HOOK3: variants seen among roughly 807,000 people sequenced by gnomAD.
HOOK3 encodes hook microtubule tethering protein 3.
Under a neutral mutation model 116.3 loss-of-function variants are expected in HOOK3, and 24 were observed. The observed-to-expected ratio is 0.21, with a 90% CI of 0.15 to 0.29. The LOEUF (loss-of-function observed/expected upper bound fraction) is 0.29, where lower values mean the gene tolerates loss of function less well. HOOK3 is among the 10% of genes least tolerant of loss of function. The pLI, the probability that HOOK3 is intolerant of heterozygous loss-of-function variation, is 1.00. For missense variants in HOOK3, 632 were observed against 830.2 expected (o/e 0.76, Z 2.93); for synonymous variants, 275 against 283.0 (o/e 0.97, Z 0.28).
At position 42,943,394 on chromosome 8, in the gene HOOK3, A is replaced by G; in HGVS notation, c.349A>G (p.Arg117Gly). The G allele has an allele frequency of 6.4e-7, 1 of 1,572,780 alleles. No homozygotes were observed. The highest frequency in any genetic ancestry group is 1.2e-5 in the South Asian group (1 of 81,052). Residue 117 changes from arginine to glycine, a missense_variant, in exon 5 of 22, where the codon AGG (arginine) becomes GGG (glycine). This residue lies in a region of HOOK3 where 141 missense variants were observed against 150.8 expected (regional missense o/e 0.93). Transcript: ENST00000307602. ...GEHSDAAELGRMLQLILGCAV... is the reference protein window; with the variant it reads ...GEHSDAAELGGMLQLILGCAV... ...GCATTCTGATGCAGCAGAGCTTGGA[A>G]GGATGCTTCAGCTCATCTTAGGCTG...
At chr8:43,010,022 T>G (rs1320773443) in intron 18 of HOOK3, among the ~76,000 whole-genome samples, 1 of 151,832 alleles carries the variant, frequency 6.6e-6, no homozygotes, top group Non-Finnish European at 1.5e-5. Flanking sequence ...TACATTTTGT[T>G]TATCCATTCA....
At chr8:42,897,224 T>A in intron 1 of HOOK3, 36 bp downstream of exon 1, 1 of 1,208,050 alleles carries the variant, frequency 8.3e-7, no homozygotes, top group Non-Finnish European at 1.0e-6. Context: ...GAAGACCCCC[T>A]CCCCCCGCCA....
intron 21 of HOOK3, among the ~76,000 whole-genome samples, chr8:43,015,893 T>A (rs1163070528): frequency 6.7e-6 from 1 of 148,854 alleles, no homozygotes; most frequent in Non-Finnish European, 1.5e-5. Context: ...AATTTTTGTA[T>A]TTTTAGTAGA....
chr8:42,924,724 G>T (rs1204394401), intron 2 of HOOK3, among the ~76,000 whole-genome samples: 2 of 152,138 alleles, frequency 1.3e-5, no homozygotes, highest in Non-Finnish European at 2.9e-5. Flanking sequence ...TGTAATCCCA[G>T]CACTTTGGGA....
chr8:42,923,712 G>A (rs2130354181), intron 2 of HOOK3, among the ~76,000 whole-genome samples: 2 of 152,312 alleles, frequency 1.3e-5, no homozygotes, highest in Middle Eastern at 3.4e-3. Context: ...TTTTTGGAAA[G>A]ATGGAAGTGC....
intron 18 of HOOK3, 35 bp from the exon 19 acceptor site, chr8:43,010,270 C>A: frequency 2.1e-6 from 1 of 480,568 alleles, no homozygotes; most frequent in South Asian, 6.2e-5. Flanking sequence ...TATATATTAT[C>A]TAAATATATA....
At position 43,022,241 on chromosome 8, in the gene HOOK3, A is replaced by G; in HGVS notation, c.*3743A>G. On this transcript the variant is annotated 3_prime_UTR_variant, in exon 22 of 22. Coordinates refer to ENST00000307602, the MANE Select transcript of HOOK3 (RefSeq NM_032410.4). ...CTCTAGTAATGATTAATGATTCCTC[A>G]GGAGATTCGTGATGTTGTCTGGTCT... 4.7e-6 allele frequency: 1 copy of G among 211,680 alleles called. No homozygotes were observed. Among genetic ancestry groups the G allele is most frequent in the Non-Finnish European group, 9.6e-6 (1 of 104,452 alleles). 13.1% of individuals were successfully genotyped at this position (211,680 alleles called of 1,614,324 possible). A position where few individuals can be genotyped will look rare whatever the true frequency, so the allele number is the denominator to read the frequency against.
intron 2 of HOOK3, 94 bp from the exon 3 acceptor site, chr8:42,925,463 G>A (rs1807746563): frequency 1.3e-6 from 1 of 768,850 alleles, no homozygotes; most frequent in Admixed American, 2.7e-5. Context: ...TTTTTATGTT[G>A]CAGTTAAGTG....
At chr8:42,913,059 G>A (rs188883429) in intron 2 of HOOK3, among the ~76,000 whole-genome samples, 25 of 152,030 alleles carry the variant, frequency 1.6e-4, no homozygotes, top group East Asian at 5.8e-4. Context: ...AGGTTCCTCC[G>A]TGTCTTTTTG....
chr8:43,003,901 A>T (rs1333662907), intron 17 of HOOK3, among the ~76,000 whole-genome samples: 1 of 152,150 alleles, frequency 6.6e-6, no homozygotes, highest in Non-Finnish European at 1.5e-5. Context: ...GCCTTCCCTG[A>T]TCCAGCGTGC....
chr8:42,919,066 G>A (rs1370713617), intron 2 of HOOK3, among the ~76,000 whole-genome samples: 4 of 150,636 alleles, frequency 2.7e-5, no homozygotes, highest in Non-Finnish European at 5.9e-5. Context: ...CCTCCCGGAC[G>A]GGGCGGCTGG....
intron 2 of HOOK3, among the ~76,000 whole-genome samples, chr8:42,907,816 C>CAAAA (rs71550426): frequency 1.9e-4 from 9 of 46,176 alleles, no homozygotes; most frequent in Admixed American, 9.2e-4. Flanking sequence ...AGCAACGAGG[C>CAAAA]AAAAAAAAAA....
At chr8:42,989,836 T>C (rs980805374) in intron 15 of HOOK3, among the ~76,000 whole-genome samples, 8 of 152,170 alleles carry the variant, frequency 5.3e-5, no homozygotes, top group African/African-American at 1.7e-4. Context: ...TGAGAGCATG[T>C]GAAGTTTGTC....
At position 42,943,341 on chromosome 8, in the gene HOOK3, C is replaced by T; in HGVS notation, c.296C>T (p.Thr99Ile). Residue 99 changes from threonine to isoleucine, a missense_variant, in exon 5 of 22, where the codon ACC becomes ATC. Physicochemically the swap from Thr to Ile is moderately conservative, Grantham distance 89. Coordinates refer to ENST00000307602, the MANE Select transcript of HOOK3 (RefSeq NM_032410.4). The stretch of plus-strand genomic sequence containing the variant: ...TTAGGACAGCAAATTAATGACTTTA[C>T]CCTTCCTGATGTGAACCTTATTGGG... ...EILGQQINDFTLPDVNLIGEH... is the reference protein window; with the variant it reads ...EILGQQINDFILPDVNLIGEH... 1.3e-6 allele frequency: 2 copies of T among 1,527,452 alleles called. No individual in the cohort carries two copies. Among genetic ancestry groups the T allele is most frequent in the Non-Finnish European group, 1.8e-6 (2 of 1,135,236 alleles). The allele number at this position is 1,527,452 out of a possible 1,614,324, so 94.6% of individuals were successfully genotyped here.
intron 15 of HOOK3, among the ~76,000 whole-genome samples, chr8:42,987,331 C>T (rs1374188567): frequency 1.3e-5 from 2 of 152,132 alleles, no homozygotes; most frequent in Non-Finnish European, 2.9e-5. Flanking sequence ...GTCCTCTTTA[C>T]TTCTTCATGC....
Position 42,906,206 on chromosome 8 carries a change from A to G in HOOK3, c.91A>G (p.Thr31Ala). The change falls in exon 2 of 22, where the codon ACC becomes GCC. Residue 31 changes from threonine to alanine, a missense_variant. By Grantham distance (58) the Thr-to-Ala change is moderately conservative. This residue lies in a region of HOOK3 where 141 missense variants were observed against 150.8 expected (regional missense o/e 0.93). Transcript: ENST00000307602. ...ATTTAATGTGGATGCACCATGCCAGACCGTGGAAGATTTAACGAATGGGGT... is the reference window on the plus strand; with the variant it reads ...ATTTAATGTGGATGCACCATGCCAGGCCGTGGAAGATTTAACGAATGGGGT... ...QTFNVDAPCQ[T>A]VEDLTNGVVM... The G allele has an allele frequency of 7.0e-7, 1 of 1,432,184 alleles. No individual in the cohort carries two copies. The allele number at this position is 1,432,184 out of a possible 1,614,324, so 88.7% of individuals were successfully genotyped here.
At position 42,897,107 on chromosome 8, in the gene HOOK3, G is replaced by T. The variant is rs1807000195; in HGVS notation, c.-25G>T. 2.4e-6 allele frequency: 3 copies of T among 1,241,456 alleles called. No homozygotes were observed. In the East Asian group the frequency reaches 9.5e-5, roughly 39 times the overall value. 76.9% of individuals were successfully genotyped at this position (1,241,456 alleles called of 1,614,324 possible). ...GCGGCGGTGTCTGGCCAGGCGGTAG[G>T]CGCTGCCTGGCCGCGGCGGGGAAGA... On this transcript the variant is annotated 5_prime_UTR_variant, in exon 1 of 22. Transcript: ENST00000307602.
chr8:42,916,675 A>G (rs997938769), intron 2 of HOOK3, among the ~76,000 whole-genome samples: 1 of 152,152 alleles, frequency 6.6e-6, no homozygotes, highest in Non-Finnish European at 1.5e-5. Context: ...TATAATCCAC[A>G]CCTGTAGCTT....
chr8:42,991,865 A>G (rs1586625173), intron 15 of HOOK3, among the ~76,000 whole-genome samples: 1 of 152,260 alleles, frequency 6.6e-6, no homozygotes, highest in East Asian at 1.9e-4. Flanking sequence ...CTAGGATTAC[A>G]GATGTGAGCC....
Sources: gnomAD v4.1 joint callset for allele counts (sites outside exome capture counted in the v4.1 genomes callset) on GRCh38, gnomAD v4.1.1 for gene constraint, gnomAD v4.1.1 regional missense constraint, MANE v1.5 for transcripts, NCBI Gene and HGNC (gene_info 2026-07-23, HGNC 2026-07-21) for gene names.